The following UTRN variants were observed in gnomAD, a reference collection of about 807,000 sequenced individuals.
UTRN encodes the protein utrophin, also known as dystrophin-related protein 1.
In UTRN, 283 loss-of-function variants were observed where a neutral mutation model predicts 463.9. The ratio of observed to expected loss-of-function variants is 0.61; its 90% CI spans 0.55 to 0.67. UTRN has a LOEUF of 0.67. UTRN is among the 30% of genes least tolerant of loss of function. The pLI, the probability that UTRN is intolerant of heterozygous loss-of-function variation, is 0.00. For missense variants in UTRN, 3,922 were observed against 4,084.3 expected (o/e 0.96, Z 1.08); for synonymous variants, 1,442 against 1,431.5 (o/e 1.01, Z -0.17).
chr6:144,485,566 C>A, intron 28 of UTRN, 47 bp downstream of exon 28: 1 of 1,610,938 alleles, frequency 6.2e-7, no homozygotes, highest in Non-Finnish European at 8.5e-7. Context: ...TGTGATGAGG[C>A]CACACGTGTA....
At chr6:144,694,610 C>G (rs930329350) in intron 52 of UTRN, among the ~76,000 whole-genome samples, 8 of 152,020 alleles carry the variant, frequency 5.3e-5, no homozygotes, top group African/African-American at 1.9e-4. Flanking sequence ...TTTCTTGGTT[C>G]AGTCCTGGGA....
chr6:144,789,285 T>G lies in UTRN; in HGVS notation c.8920+6T>G. ...CTTGGAAGAAAAATACAGATGTATG[T>G]AAGACCTTTCTTATACCAACAGTGT... On this transcript the variant is annotated splice_donor_region_variant and intron_variant, in intron 62 of 74. Coordinates refer to ENST00000367545, the MANE Select transcript of UTRN (RefSeq NM_007124.3). The G allele has an allele frequency of 6.2e-7, 1 of 1,600,836 alleles. No individual in the cohort carries two copies. The highest frequency in any genetic ancestry group is 8.5e-7 in the Non-Finnish European group (1 of 1,172,234).
At chr6:144,468,660 G>A (rs904359938) in intron 23 of UTRN, among the ~76,000 whole-genome samples, 4 of 151,890 alleles carry the variant, frequency 2.6e-5, no homozygotes, top group Non-Finnish European at 5.9e-5. Flanking sequence ...GAAAAAAATC[G>A]TCATTATTGT....
chr6:144,507,584 T>G lies in UTRN; in HGVS notation c.4765-3360T>G, dbSNP rs140419754. ...CCCAGACCTGTTTGCCTGGGTATCA[T>G]CAGGGGAAGCTGCAGAATAGCAAAG... On this transcript the variant is annotated intron_variant, in intron 34 of 74. Coordinates refer to ENST00000367545, the MANE Select transcript of UTRN (RefSeq NM_007124.3). Among the ~76,000 whole-genome samples, 718 of 152,266 alleles carry G rather than the reference T, an allele frequency of 4.7e-3. 6 individuals are homozygous for G. Among genetic ancestry groups the G allele is most frequent in the Middle Eastern group, 0.01 (3 of 294 alleles).
At chr6:144,648,235 A>T (rs1038025342) in intron 51 of UTRN, among the ~76,000 whole-genome samples, 1 of 152,160 alleles carries the variant, frequency 6.6e-6, no homozygotes, top group African/African-American at 2.4e-5. Flanking sequence ...TTCATTCCCA[A>T]TAGAGTGAAA....
intron 34 of UTRN, among the ~76,000 whole-genome samples, chr6:144,499,917 C>T (rs780573982): frequency 2.6e-5 from 4 of 152,212 alleles, no homozygotes; most frequent in Non-Finnish European, 5.9e-5. Flanking sequence ...CCTCCAGCTG[C>T]AACCATGTTG....
chr6:144,659,552 A>G (rs1406264182), intron 51 of UTRN, among the ~76,000 whole-genome samples: 1 of 152,168 alleles, frequency 6.6e-6, no homozygotes, highest in African/African-American at 2.4e-5. Flanking sequence ...AAATGGACTG[A>G]AACTAGCTTG....
At chr6:144,837,939 A>G (rs1007766191) in intron 71 of UTRN, among the ~76,000 whole-genome samples, 2 of 152,142 alleles carry the variant, frequency 1.3e-5, no homozygotes, top group African/African-American at 4.8e-5. Flanking sequence ...AGCCCTTCGG[A>G]ATGTTTGAGT....
At chr6:144,425,889 G>T (rs1385654231) in intron 6 of UTRN, among the ~76,000 whole-genome samples, 1 of 152,114 alleles carries the variant, frequency 6.6e-6, no homozygotes, top group Non-Finnish European at 1.5e-5. Context: ...ACTTTATTTT[G>T]TAGTCACTCA....
intron 5 of UTRN, 106 bp downstream of exon 5, chr6:144,423,732 A>G (rs1785056378): frequency 3.7e-6 from 5 of 1,336,138 alleles, no homozygotes; most frequent in Non-Finnish European, 5.3e-6. Flanking sequence ...TCTTGCAAAC[A>G]TTTTTTCTTA....
intron 2 of UTRN, among the ~76,000 whole-genome samples, chr6:144,384,437 T>C (rs1781231804): frequency 1.3e-5 from 2 of 152,156 alleles, no homozygotes; most frequent in South Asian, 4.1e-4. Context: ...TGATGATCTG[T>C]GGTGAAACAG....
intron 51 of UTRN, among the ~76,000 whole-genome samples, chr6:144,619,043 T>G (rs1328679469): frequency 6.6e-6 from 1 of 152,184 alleles, no homozygotes; most frequent in African/African-American, 2.4e-5. Context: ...CATTCGATTT[T>G]GCTGACACTT....
At chr6:144,805,794 C>G (rs1778098485) in intron 65 of UTRN, among the ~76,000 whole-genome samples, 1 of 152,066 alleles carries the variant, frequency 6.6e-6, no homozygotes, top group South Asian at 2.1e-4. Context: ...TGCATAAGTG[C>G]AATATCTTTG....
rs144427488 is a variant in UTRN at position 144,400,214 on chromosome 6, T to G, written c.80-2909T>G. 2.6e-3 allele frequency among the ~76,000 whole-genome samples: 390 copies of G among 152,322 alleles called. 4 individuals are homozygous for G. The Middle Eastern group carries it at 0.041, about 16-fold the overall frequency. ...AGAGAAGGTGTATATGCAGTGTAAA[T>G]TATATTCATTCACTTAATATTATAC... On this transcript the variant is annotated intron_variant, in intron 2 of 74. Transcript: ENST00000367545.
At chr6:144,543,017 T>A in intron 46 of UTRN, 147 bp downstream of exon 46, 1 of 733,550 alleles carries the variant, frequency 1.4e-6, no homozygotes, top group Non-Finnish European at 2.2e-6. Context: ...GGAAAGAACA[T>A]CTTCTTTAAA....
Position 144,690,072 on chromosome 6 carries a change from C to CTATTTTTT in UTRN, c.7653-10014_7653-10013insATTTTTTT, listed in dbSNP as rs1428641511. 8.7e-4 allele frequency among the ~76,000 whole-genome samples: 31 copies of CTATTTTTT among 35,642 alleles called. 7 individuals carry two copies. The highest frequency in any genetic ancestry group is 2.9e-3 in the South Asian group (2 of 696). 23.4% of individuals were successfully genotyped at this position (35,642 alleles called of 152,430 possible). On this transcript the variant is annotated intron_variant, in intron 52 of 74. Coordinates refer to ENST00000367545, the MANE Select transcript of UTRN (RefSeq NM_007124.3). ...GGGGCCATAGAGCTCCCAAAAGTTT[C>CTATTTTTT]TGTTTTTTTTTTTTTTTTTTTTTTG...
At chr6:144,783,195 CA>C (rs11354387) in intron 61 of UTRN, among the ~76,000 whole-genome samples, 39,496 of 135,482 alleles carry the variant, frequency 0.29, 6,157 homozygotes, top group African/African-American at 0.47. Context: ...GACTCTGTCT[CA>C]AAAAAAAAAA....
chr6:144,840,718 T>C, intron 72 of UTRN, 22 bp from the exon 73 acceptor site: 1 of 1,613,218 alleles, frequency 6.2e-7, no homozygotes, highest in Non-Finnish European at 8.5e-7. Context: ...AGCTTTGTTG[T>C]TCTCTTTATT....
intron 2 of UTRN, among the ~76,000 whole-genome samples, chr6:144,342,135 A>G (rs1050193525): frequency 6.6e-6 from 1 of 152,212 alleles, no homozygotes; most frequent in Non-Finnish European, 1.5e-5. Flanking sequence ...ACCACAGTGA[A>G]ATGTCACTTC....
Sources: allele counts gnomAD v4.1 joint callset (sites outside exome capture counted in the v4.1 genomes callset), GRCh38; gene constraint gnomAD v4.1.1; transcripts MANE v1.5; gene names NCBI Gene and HGNC (gene_info 2026-07-23, HGNC 2026-07-21).